The following NT5C2 variants were observed in gnomAD, a reference collection of about 807,000 sequenced individuals.
NT5C2 encodes the protein cytosolic purine 5'-nucleotidase.
NT5C2 carries 58 observed loss-of-function variants against 76.1 expected under a neutral mutation model. The ratio of observed to expected loss-of-function variants is 0.76; its 90% CI spans 0.62 to 0.95. The LOEUF is 0.95. Among genes scored for constraint, NT5C2 ranks in the 40% least tolerant of loss-of-function variants. NT5C2 has a pLI of 0.00. For synonymous variants in NT5C2, 229 were observed against 237.4 expected, an observed-to-expected ratio of 0.96 and a Z score of 0.32; for missense variants, 478 against 690.3, an observed-to-expected ratio of 0.69 and a Z score of 3.45.
At position 103,101,048 on chromosome 10, in the gene NT5C2, G is replaced by A. The variant is rs1161337034; in HGVS notation, c.536C>T (p.Thr179Ile). The A allele has an allele frequency of 2.6e-6, 4 of 1,511,314 alleles. No individual in the cohort carries two copies. Among genetic ancestry groups the A allele is most frequent in the South Asian group, 1.1e-5 (1 of 88,920 alleles). The allele number at this position is 1,511,314 out of a possible 1,614,324, so 93.6% of individuals were successfully genotyped here. A position where few individuals can be genotyped will look rare whatever the true frequency, so the allele number is the denominator to read the frequency against. Residue 179 changes from threonine (T) to isoleucine (I), a missense_variant, in exon 8 of 19, where the codon ACC becomes ATC. Transcript: ENST00000404739. ...AATAATTATAGTATATACATACCTGGTATATCTGGGACAATTAGTAAAAAA... is the reference window on the plus strand; with the variant it reads ...AATAATTATAGTATATACATACCTGATATATCTGGGACAATTAGTAAAAAA... Reference protein sequence around the residue: ...VDFFTNCPRYTSCETGFKDGD... With the variant: ...VDFFTNCPRYISCETGFKDGD...
chr10:103,114,939 C>A (rs1002122772), intron 4 of NT5C2, among the ~76,000 whole-genome samples: 5 of 152,170 alleles, frequency 3.3e-5, no homozygotes, highest in African/African-American at 1.2e-4. Context: ...AAGGTTTAAC[C>A]TAAATCTTTG....
intron 4 of NT5C2, among the ~76,000 whole-genome samples, chr10:103,123,649 G>A (rs2076124534): frequency 1.3e-5 from 2 of 152,142 alleles, no homozygotes. Context: ...AAATTTCTCA[G>A]AGAAATGCGA....
chr10:103,129,499 C>T (rs2077527116), intron 4 of NT5C2, among the ~76,000 whole-genome samples: 1 of 125,384 alleles, frequency 8.0e-6, no homozygotes, highest in Non-Finnish European at 1.8e-5. Context: ...CCCCACCCGG[C>T]CAGCCGCCCC....
intron 4 of NT5C2, among the ~76,000 whole-genome samples, chr10:103,122,378 TG>T (rs1231982834): frequency 6.6e-6 from 1 of 152,156 alleles, no homozygotes; most frequent in Non-Finnish European, 1.5e-5. Context: ...GGTTTTCATT[TG>T]GGGGGAAAAA....
chr10:103,093,745 T>TA (rs57675623), intron 14 of NT5C2: 5,858 of 440,210 alleles, frequency 0.013, 1 homozygote, highest in East Asian at 0.019. Flanking sequence ...CAATAGGATT[T>TA]AAAAAAAAAA....
intron 3 of NT5C2, among the ~76,000 whole-genome samples, chr10:103,143,141 C>G (rs1461353762): frequency 6.6e-6 from 1 of 152,134 alleles, no homozygotes. Context: ...ATTACCAAAC[C>G]TTTTCTTTGT....
chr10:103,191,022 T>C (rs1194499323), intron 1 of NT5C2, among the ~76,000 whole-genome samples: 2 of 152,232 alleles, frequency 1.3e-5, no homozygotes, highest in East Asian at 3.8e-4. Flanking sequence ...AGTCATAACA[T>C]GACAAAGTTG....
At chr10:103,139,509 A>T in intron 3 of NT5C2, 30 bp from the exon 4 acceptor site, 1 of 1,333,548 alleles carries the variant, frequency 7.5e-7, no homozygotes, top group East Asian at 2.5e-5. Flanking sequence ...ATAATATCTC[A>T]ACACTGGAAA....
intron 15 of NT5C2, 144 bp from the exon 16 acceptor site, chr10:103,091,759 C>T (rs2066959464): frequency 3.0e-6 from 2 of 660,150 alleles, no homozygotes; most frequent in Non-Finnish European, 5.5e-6. Flanking sequence ...ACCTCCTCTT[C>T]CCCTCTTCAG....
At chr10:103,094,488 T>A in intron 12 of NT5C2, 33 bp from the exon 13 acceptor site, 2 of 1,131,542 alleles carry the variant, frequency 1.8e-6, no homozygotes, top group Non-Finnish European at 2.7e-6. Flanking sequence ...AGTTGAAACA[T>A]CACTCCTTAC....
intron 1 of NT5C2, among the ~76,000 whole-genome samples, chr10:103,185,411 C>A (rs1564660015): frequency 6.6e-6 from 1 of 151,666 alleles, no homozygotes; most frequent in Admixed American, 6.6e-5. Context: ...TCTGGGAGGC[C>A]AAGCCAGGCG....
chr10:103,155,487 C>G (rs2083188055), intron 3 of NT5C2, among the ~76,000 whole-genome samples: 1 of 152,156 alleles, frequency 6.6e-6, no homozygotes. Context: ...CTCTTAATCA[C>G]CAGGCTAAAA....
chr10:103,158,301 C>A (rs533612861), intron 3 of NT5C2, among the ~76,000 whole-genome samples: 1 of 151,888 alleles, frequency 6.6e-6, no homozygotes, highest in Admixed American at 6.6e-5. Context: ...AATAGCCTAG[C>A]CTTCCACATT....
rs547596403 is a variant in NT5C2 at position 103,094,672 on chromosome 10, C to T, written c.814-217G>A. ...GCCGAGGCGGGCAGATCACAAGGTC[C>T]GGAAATCAAGACCATCCTGGCCAAC... On this transcript the variant is annotated intron_variant, in intron 12 of 18. Coordinates refer to ENST00000404739, the MANE Select transcript of NT5C2 (RefSeq NM_001351169.2). The T allele has an allele frequency of 7.6e-5, 35 of 459,202 alleles. 1 individual carries two copies. Among genetic ancestry groups the T allele is most frequent in the South Asian group, 6.8e-4 (27 of 39,902 alleles). The allele number at this position is 459,202 out of a possible 1,614,324, so 28.4% of individuals were successfully genotyped here.
intron 4 of NT5C2, among the ~76,000 whole-genome samples, chr10:103,111,374 A>G (rs747484493): frequency 2.0e-5 from 3 of 152,254 alleles, no homozygotes; most frequent in Non-Finnish European, 2.9e-5. Context: ...CTCAGGTTAC[A>G]TAATTAGACT....
At chr10:103,153,853 G>C in intron 3 of NT5C2, 4 of 897,168 alleles carry the variant, frequency 4.5e-6, no homozygotes, top group Non-Finnish European at 5.3e-6. Flanking sequence ...AAGGAAGTAT[G>C]TGCAGATCAT....
Position 103,103,135 on chromosome 10 carries a change from T to C in NT5C2, c.390-1809A>G, listed in dbSNP as rs549978423. 1.1e-4 allele frequency among the ~76,000 whole-genome samples: 16 copies of C among 152,272 alleles called. No individual in the cohort carries two copies. In the East Asian group the frequency reaches 2.9e-3, roughly 28 times the overall value. On this transcript the variant is annotated intron_variant, in intron 6 of 18. Coordinates refer to ENST00000404739, the MANE Select transcript of NT5C2 (RefSeq NM_001351169.2). ...AGTTCTGACAGTGAATACATGGAGA[T>C]TAACAATGTAAATAAAGGAAATCAA...
Position 103,106,644 on chromosome 10 carries a change from T to C in NT5C2, c.238A>G (p.Ile80Val). 1.2e-6 allele frequency: 2 copies of C among 1,613,872 alleles called. No homozygotes were observed. The highest frequency in any genetic ancestry group is 1.3e-5 in the African/African-American group (1 of 75,034). The change falls in exon 5 of 19, where the codon ATT becomes GTT. Residue 80 changes from isoleucine (I) to valine (V), a missense_variant. Coordinates refer to ENST00000404739, the MANE Select transcript of NT5C2 (RefSeq NM_001351169.2). ...FELTVERLVS[I>V]GYPQELLSFA... Reference sequence around the variant, plus strand: ...CTGAGCAACTCCTGGGGATAGCCAATAGAAACTAATCTCTCCACAGTAAGC... The same window carrying C: ...CTGAGCAACTCCTGGGGATAGCCAACAGAAACTAATCTCTCCACAGTAAGC...
chr10:103,093,412 G>A (rs975812491), intron 14 of NT5C2, 103 bp from the exon 15 acceptor site: 3 of 1,035,246 alleles, frequency 2.9e-6, no homozygotes, highest in Admixed American at 3.4e-5. Flanking sequence ...ATTCTTATAT[G>A]AGGAACAGAC....
Sources: gnomAD v4.1 joint callset for allele counts (sites outside exome capture counted in the v4.1 genomes callset) on GRCh38, gnomAD v4.1.1 for gene constraint, MANE v1.5 for transcripts, NCBI Gene and HGNC (gene_info 2026-07-23, HGNC 2026-07-21) for gene names.